CEP76: variants seen among roughly 807,000 people sequenced by gnomAD.
CEP76 encodes the protein centrosomal protein 76, also known as centrosomal protein of 76 kDa.
A neutral mutation model predicts 83.3 loss-of-function variants in CEP76; 55 were observed. That is an observed-to-expected ratio of 0.66 (90% CI 0.53 to 0.83). CEP76 has a LOEUF of 0.83. Ranked by LOEUF, CEP76 falls within the 40% of genes least tolerant of loss-of-function variation. CEP76 has a pLI of 0.00. For synonymous variants in CEP76, 270 were observed against 274.5 expected (o/e 0.98, Z 0.16); for missense variants, 694 against 799.5 (o/e 0.87, Z 1.59).
chr18:12,673,146 T>C lies in CEP76; in HGVS notation c.*219A>G. On this transcript the variant is annotated 3_prime_UTR_variant, in exon 12 of 12. Transcript: ENST00000262127. ...TAAAATAGAATATACACTTAATTTA[T>C]ACTAAATTCCAGGGAGATTTATACA... 1.4e-5 allele frequency: 16 copies of C among 1,161,600 alleles called. No individual in the cohort carries two copies. The highest frequency in any genetic ancestry group is 1.6e-5 in the Non-Finnish European group (15 of 924,344). 72.0% of individuals were successfully genotyped at this position (1,161,600 alleles called of 1,614,324 possible). A position where few individuals can be genotyped will look rare whatever the true frequency, so the allele number is the denominator to read the frequency against.
At chr18:12,695,563 A>T (rs2039923251) in intron 5 of CEP76, among the ~76,000 whole-genome samples, 1 of 152,050 alleles carries the variant, frequency 6.6e-6, no homozygotes, top group Non-Finnish European at 1.5e-5. Context: ...TTATTTTCTT[A>T]GCTTTCTGAC....
At position 12,674,522 on chromosome 18, in the gene CEP76, A is replaced by C; in HGVS notation, c.1841+14T>G. On this transcript the variant is annotated intron_variant, in intron 11 of 11. Transcript: ENST00000262127. ...TCCTAAACTGAAAAAATGATTCCGT[A>C]AATTACACCTTACCGAAGACATGTG... 1 of 1,599,592 alleles carries C rather than the reference A, an allele frequency of 6.3e-7. No individual in the cohort carries two copies. Among genetic ancestry groups the C allele is most frequent in the Non-Finnish European group, 8.6e-7 (1 of 1,167,200 alleles).
At chr18:12,686,935 G>A (rs1568021758) in intron 7 of CEP76, among the ~76,000 whole-genome samples, 1 of 152,086 alleles carries the variant, frequency 6.6e-6, no homozygotes, top group South Asian at 2.1e-4. Flanking sequence ...AGATCCACAG[G>A]AAACAATAAT....
intron 11 of CEP76, among the ~76,000 whole-genome samples, chr18:12,673,881 A>G (rs528198617): frequency 3.3e-5 from 5 of 152,202 alleles, no homozygotes; most frequent in Non-Finnish European, 7.3e-5. Flanking sequence ...ACTCCATCTC[A>G]AAAATAAATA....
At chr18:12,674,386 G>A (rs2039045769) in intron 11 of CEP76, 150 bp downstream of exon 11, 2 of 586,450 alleles carry the variant, frequency 3.4e-6, no homozygotes, top group Admixed American at 3.4e-5. Flanking sequence ...AGGCTACAGT[G>A]AGCCATAACT....
At chr18:12,666,534 G>A (rs971792214) in intron 12 of CEP76, among the ~76,000 whole-genome samples, 3 of 144,422 alleles carry the variant, frequency 2.1e-5, no homozygotes, top group African/African-American at 5.1e-5. Context: ...CTAACGTCCC[G>A]CCTCAATTGA....
At chr18:12,671,764 C>G (rs2038953325), downstream of CEP76, among the ~76,000 whole-genome samples, 1 of 151,534 alleles carries the variant, frequency 6.6e-6, no homozygotes, top group African/African-American at 2.4e-5. Flanking sequence ...CCTCAGACTC[C>G]CGAGTAGCTT....
At chr18:12,680,946 C>A in intron 8 of CEP76, 118 bp from the exon 9 acceptor site, 1 of 946,574 alleles carries the variant, frequency 1.1e-6, no homozygotes. Flanking sequence ...CGCCTGTAAT[C>A]CCAACACTTT....
At chr18:12,692,532 G>A (rs756205963) in intron 6 of CEP76, among the ~76,000 whole-genome samples, 1 of 151,890 alleles carries the variant, frequency 6.6e-6, no homozygotes, top group Non-Finnish European at 1.5e-5. Context: ...CCCAATCTTT[G>A]CATGGCTGGT....
At chr18:12,699,373 G>A (rs1387597626) in intron 3 of CEP76, among the ~76,000 whole-genome samples, 170 bp from the exon 4 acceptor site, 1 of 152,072 alleles carries the variant, frequency 6.6e-6, no homozygotes, top group Non-Finnish European at 1.5e-5. Flanking sequence ...TTTGCACTCT[G>A]GGGAGAAGAT....
chr18:12,699,640 C>T (rs1052885631), intron 3 of CEP76, among the ~76,000 whole-genome samples, 190 bp downstream of exon 3: 1 of 152,076 alleles, frequency 6.6e-6, no homozygotes, highest in Non-Finnish European at 1.5e-5. Flanking sequence ...GCTGTTTTTG[C>T]TTCTACCGTG....
intron 8 of CEP76, among the ~76,000 whole-genome samples, chr18:12,681,920 T>C (rs894487436): frequency 3.3e-5 from 5 of 151,534 alleles, no homozygotes; most frequent in Non-Finnish European, 7.4e-5. Context: ...CGCTTGAACC[T>C]GGGAGGCAGA....
Position 12,673,354 on chromosome 18 carries a change from A to G in CEP76, c.*11T>C, listed in dbSNP as rs1182380740. ...TTAAACACAGGTATAAATCTTATATAAATATTGGCCCTATAATACCGAGCG... is the reference window on the plus strand; with the variant it reads ...TTAAACACAGGTATAAATCTTATATGAATATTGGCCCTATAATACCGAGCG... On this transcript the variant is annotated 3_prime_UTR_variant, in exon 12 of 12. Coordinates refer to ENST00000262127, the MANE Select transcript of CEP76 (RefSeq NM_024899.4). The G allele has an allele frequency of 1.3e-6, 2 of 1,596,580 alleles. No homozygotes were observed. Among genetic ancestry groups the G allele is most frequent in the Non-Finnish European group, 1.7e-6 (2 of 1,174,660 alleles).
At chr18:12,699,476 C>T (rs924959461) in intron 3 of CEP76, among the ~76,000 whole-genome samples, 11 of 152,144 alleles carry the variant, frequency 7.2e-5, no homozygotes, top group African/African-American at 2.7e-4. Context: ...TATACTTTTG[C>T]TTTTTAACTG....
intron 12 of CEP76, among the ~76,000 whole-genome samples, chr18:12,662,860 A>G (rs1568002049): frequency 6.6e-6 from 1 of 152,232 alleles, no homozygotes; most frequent in Admixed American, 6.5e-5. Context: ...TGGGTTCATG[A>G]GAGACCCTGG....
chr18:12,672,302 G>C (rs929215023), downstream of CEP76, among the ~76,000 whole-genome samples: 12 of 151,842 alleles, frequency 7.9e-5, no homozygotes, highest in Non-Finnish European at 1.3e-4. Flanking sequence ...TTTTAGTAGA[G>C]ACAGGGTTTC....
Position 12,672,839 on chromosome 18 carries a change from A to G in CEP76, c.*526T>C, listed in dbSNP as rs556062889. The G allele has an allele frequency of 4.1e-6, 4 of 985,090 alleles. No homozygotes were observed. The South Asian group carries it at 1.9e-4, about 46-fold the overall frequency. 61.0% of individuals were successfully genotyped at this position (985,090 alleles called of 1,614,324 possible). On this transcript the variant is annotated 3_prime_UTR_variant, in exon 12 of 12. Transcript: ENST00000262127. Reference sequence around the variant, plus strand: ...TCAAGGTCCAACCATAAATTTCTGGACAGTCTCAAATATCCCAAGGACCAC... The same window carrying G: ...TCAAGGTCCAACCATAAATTTCTGGGCAGTCTCAAATATCCCAAGGACCAC...
At chr18:12,661,957 ATTTTG>A (rs1408030477) in exon 13 of CEP76, 1 of 258,492 alleles carries the variant, frequency 3.9e-6, no homozygotes, top group Non-Finnish European at 7.9e-6. Context: ...TCTGAATATG[ATTTTG>A]TTTTGTTGAT....
chr18:12,672,069 C>A (rs1358623628), downstream of CEP76, among the ~76,000 whole-genome samples: 1 of 151,488 alleles, frequency 6.6e-6, no homozygotes, highest in East Asian at 1.9e-4. Flanking sequence ...CCACCCACAT[C>A]AGCCTCCCAA....
Sources: allele counts gnomAD v4.1 joint callset (sites outside exome capture counted in the v4.1 genomes callset), GRCh38; gene constraint gnomAD v4.1.1; transcripts MANE v1.5; gene names NCBI Gene and HGNC (gene_info 2026-07-23, HGNC 2026-07-21).